TENM3: variants seen among roughly 807,000 people sequenced by gnomAD.
The protein encoded by TENM3 is teneurin-3.
A neutral mutation model predicts 255.1 loss-of-function variants in TENM3; 63 were observed. The observed-to-expected ratio is 0.25, with a 90% confidence interval of 0.20 to 0.30. TENM3 has a LOEUF of 0.30. Among genes scored for constraint, TENM3 ranks in the 10% least tolerant of loss-of-function variants. The pLI is 1.00. For synonymous variants in TENM3, 1,306 were observed against 1,322.3 expected (o/e 0.99, Z 0.27); for missense variants, 2,929 against 3,461.1 (o/e 0.85, Z 3.86).
chr4:182,412,850 G>A (rs1242158059), intron 3 of TENM3, among the ~76,000 whole-genome samples: 1 of 149,456 alleles, frequency 6.7e-6, no homozygotes, highest in East Asian at 2.0e-4. Context: ...GGGTGACAGA[G>A]TGAGACTCTG....
chr4:182,676,748 G>T (rs1250524148), intron 7 of TENM3, among the ~76,000 whole-genome samples: 1 of 152,162 alleles, frequency 6.6e-6, no homozygotes, highest in Non-Finnish European at 1.5e-5. Flanking sequence ...CCAAAAGACG[G>T]CTTATTAATA....
chr4:182,523,370 C>A (rs567604012), intron 3 of TENM3, among the ~76,000 whole-genome samples: 61 of 152,112 alleles, frequency 4.0e-4, no homozygotes, highest in Non-Finnish European at 7.2e-4. Flanking sequence ...ACCCTGTCAA[C>A]CAATTAATTA....
chr4:182,692,252 C>T (rs1048956848), intron 12 of TENM3, among the ~76,000 whole-genome samples: 32 of 152,276 alleles, frequency 2.1e-4, no homozygotes, highest in African/African-American at 7.7e-4. Context: ...AATGCAAATG[C>T]AGTGGTAGGC....
At chr4:181,885,567 C>T in the TENM3 span, among the ~76,000 whole-genome samples, 1 of 152,052 alleles carries the variant, frequency 6.6e-6, no homozygotes, top group Non-Finnish European at 1.5e-5. Flanking sequence ...GGCCGAGATT[C>T]AAGATTTTAA....
At chr4:182,195,286 C>A (rs764736726) in intron 1 of TENM3, among the ~76,000 whole-genome samples, 2 of 152,082 alleles carry the variant, frequency 1.3e-5, no homozygotes, top group Non-Finnish European at 2.9e-5. Context: ...GCCTTGATGG[C>A]TGATCAACCT....
chr4:181,883,728 CA>C, the TENM3 span, among the ~76,000 whole-genome samples: 1 of 152,148 alleles, frequency 6.6e-6, no homozygotes, highest in Non-Finnish European at 1.5e-5. Context: ...CCGCCCGCCT[CA>C]GCCCCCCAAA....
intron 6 of TENM3, among the ~76,000 whole-genome samples, chr4:182,656,570 C>A (rs915415223): frequency 6.6e-6 from 1 of 152,064 alleles, no homozygotes; most frequent in Admixed American, 6.6e-5. Flanking sequence ...TATATGCTAT[C>A]CAAGAAGCAG....
intron 1 of TENM3, among the ~76,000 whole-genome samples, chr4:182,266,398 A>G (rs1759247036): frequency 6.6e-6 from 1 of 152,254 alleles, no homozygotes; most frequent in Non-Finnish European, 1.5e-5. Context: ...ATTAATTGTA[A>G]GAGAGTGTGT....
intron 1 of TENM3, among the ~76,000 whole-genome samples, chr4:182,250,262 C>G (rs1243631506): frequency 1.4e-5 from 2 of 143,148 alleles, no homozygotes; most frequent in Non-Finnish European, 3.0e-5. Context: ...CTGTGTTAGC[C>G]AGGATGGTCT....
chr4:182,574,866 G>C (rs1744769066), intron 3 of TENM3, among the ~76,000 whole-genome samples: 1 of 152,094 alleles, frequency 6.6e-6, no homozygotes, highest in Admixed American at 6.5e-5. Context: ...CAGACATATA[G>C]CCATATGTTT....
the TENM3 span, among the ~76,000 whole-genome samples, chr4:181,498,564 C>G: frequency 6.7e-6 from 1 of 150,238 alleles, no homozygotes; most frequent in African/African-American, 2.4e-5. Context: ...TAGCTGTTGT[C>G]AAATACTTAA....
the TENM3 span, among the ~76,000 whole-genome samples, chr4:181,786,460 G>A: frequency 6.6e-6 from 1 of 152,252 alleles, no homozygotes; most frequent in South Asian, 2.1e-4. Flanking sequence ...CCCACGAGGT[G>A]GGAGGTGGAC....
the TENM3 span, among the ~76,000 whole-genome samples, chr4:181,612,678 A>G: frequency 6.6e-6 from 1 of 151,926 alleles, no homozygotes; most frequent in South Asian, 2.1e-4. Context: ...TTTTTATGTG[A>G]TAGGATACGC....
At chr4:182,490,966 G>A (rs7694992) in intron 3 of TENM3, among the ~76,000 whole-genome samples, 65,298 of 152,010 alleles carry the variant, frequency 0.43, 14,382 homozygotes, top group Non-Finnish European at 0.47. Context: ...GAATAAAAAG[G>A]TAATTTAACC....
chr4:182,041,352 T>A, the TENM3 span, among the ~76,000 whole-genome samples: 1 of 152,202 alleles, frequency 6.6e-6, no homozygotes, highest in East Asian at 1.9e-4. Flanking sequence ...CTTAGGTAAA[T>A]TCTTCAACAT....
chr4:181,888,546 A>ATGTG, the TENM3 span, among the ~76,000 whole-genome samples: 6 of 116,052 alleles, frequency 5.2e-5, no homozygotes, highest in African/African-American at 2.0e-4. Flanking sequence ...GTATATATAT[A>ATGTG]TATGTATATA....
the TENM3 span, among the ~76,000 whole-genome samples, chr4:181,770,133 A>G: frequency 1.6e-4 from 24 of 152,192 alleles, no homozygotes; most frequent in Admixed American, 1.0e-3. Context: ...CTTGGAAGGA[A>G]GATCCATAAA....
the TENM3 span, among the ~76,000 whole-genome samples, chr4:181,519,989 A>G: frequency 5.7e-3 from 867 of 152,314 alleles, 12 homozygotes; most frequent in African/African-American, 0.02. Flanking sequence ...TTATTTCCCA[A>G]TATTTGCAGC....
chr4:182,783,972 AG>A (rs1460450717), intron 24 of TENM3, among the ~76,000 whole-genome samples: 2 of 152,152 alleles, frequency 1.3e-5, no homozygotes, highest in Non-Finnish European at 2.9e-5. Context: ...TTTTTTTCAA[AG>A]CTTTCAACTT....
Sources: gnomAD v4.1 joint callset for allele counts (sites outside exome capture counted in the v4.1 genomes callset) on GRCh38, gnomAD v4.1.1 for gene constraint, MANE v1.5 for transcripts, NCBI Gene and HGNC (gene_info 2026-07-23, HGNC 2026-07-21) for gene names.